MYO6: variants seen among roughly 807,000 people sequenced by gnomAD.
MYO6 encodes the protein unconventional myosin-VI.
In MYO6, 74 loss-of-function variants were observed where a neutral mutation model predicts 178.7. That is an observed-to-expected ratio of 0.41 (90% confidence interval 0.34 to 0.50). The LOEUF is 0.50. MYO6 is among the 20% of genes least tolerant of loss of function. MYO6 has a pLI of 0.09. For synonymous variants in MYO6, 477 were observed against 504.6 expected, an observed-to-expected ratio of 0.95 and a Z score of 0.73; for missense variants, 1,330 against 1,547.4, an observed-to-expected ratio of 0.86 and a Z score of 2.36.
chr6:75,761,768 A>G lies in MYO6; in HGVS notation c.-48+12345A>G, dbSNP rs73458877. 1.2e-3 allele frequency among the ~76,000 whole-genome samples: 176 copies of G among 150,878 alleles called. 1 individual carries two copies. The highest frequency in any genetic ancestry group is 4.0e-3 in the African/African-American group (163 of 40,272). ...CTAGGATTCTGCTATTTGGTATATA[A>G]CACTGATATAGGTTAGTATTTTCAG... On this transcript the variant is annotated intron_variant, in intron 1 of 34. Transcript: ENST00000369977.
At chr6:75,814,835 A>G (rs1771053700) in intron 1 of MYO6, among the ~76,000 whole-genome samples, 3 of 151,298 alleles carry the variant, frequency 2.0e-5, no homozygotes, top group Non-Finnish European at 4.4e-5. Context: ...CCACTGCACT[A>G]TGGCCTGGGT....
chr6:75,764,272 T>C (rs529695253), intron 1 of MYO6, among the ~76,000 whole-genome samples: 1 of 152,276 alleles, frequency 6.6e-6, no homozygotes, highest in African/African-American at 2.4e-5. Flanking sequence ...TTTTTCACTA[T>C]AGCACTCATC....
intron 1 of MYO6, among the ~76,000 whole-genome samples, chr6:75,757,234 T>C (rs977225545): frequency 6.8e-6 from 1 of 148,054 alleles, no homozygotes; most frequent in African/African-American, 2.5e-5. Context: ...TATACATATA[T>C]AGACATACAT....
Position 75,848,498 on chromosome 6 carries a change from A to C in MYO6, c.1045A>C (p.Asn349His). The change falls in exon 11 of 35, where the codon AAT becomes CAT. Residue 349 changes from asparagine (N) to histidine (H), a missense_variant. This residue lies in a region of MYO6 where 613 missense variants were observed against 816.8 expected (regional missense o/e 0.75). Coordinates refer to ENST00000369977, the MANE Select transcript of MYO6 (RefSeq NM_004999.4). The part of the protein sequence containing the change: ...RVVAGVLHLG[N>H]IDFEEAGSTS... Reference sequence around the variant, plus strand: ...AGTAGCTGGCGTCCTGCACCTTGGAAATATTGATTTTGAGGAAGCTGGCAG... The same window carrying C: ...AGTAGCTGGCGTCCTGCACCTTGGACATATTGATTTTGAGGAAGCTGGCAG... The C allele has an allele frequency of 1.2e-6, 2 of 1,613,630 alleles. No individual in the cohort carries two copies. The highest frequency in any genetic ancestry group is 1.7e-6 in the Non-Finnish European group (2 of 1,179,726).
chr6:75,796,170 C>G (rs1040122075), intron 1 of MYO6, among the ~76,000 whole-genome samples: 1 of 152,158 alleles, frequency 6.6e-6, no homozygotes, highest in Non-Finnish European at 1.5e-5. Flanking sequence ...GCCTACCATT[C>G]TGTTCTACCA....
chr6:75,773,174 G>T (rs1274439813), intron 1 of MYO6, among the ~76,000 whole-genome samples: 2 of 152,088 alleles, frequency 1.3e-5, no homozygotes, highest in African/African-American at 4.8e-5. Context: ...TGGTAGGCAG[G>T]CTGTTTACAT....
rs533059027 is a variant in MYO6 at position 75,900,874 on chromosome 6, G to A, written c.3176+2463G>A. 2.4e-3 allele frequency among the ~76,000 whole-genome samples: 365 copies of A among 150,330 alleles called. 4 individuals are homozygous for A. The highest frequency in any genetic ancestry group is 8.0e-3 in the African/African-American group (326 of 40,844). ...GGGTTTTTATGGTTTTAGGTCTAAC[G>A]TTTAAGTCTTTAATCCATCTTGAAT... On this transcript the variant is annotated intron_variant, in intron 30 of 34. Coordinates refer to ENST00000369977, the MANE Select transcript of MYO6 (RefSeq NM_004999.4).
At chr6:75,852,151 T>C (rs1244866317) in intron 11 of MYO6, among the ~76,000 whole-genome samples, 1 of 151,930 alleles carries the variant, frequency 6.6e-6, no homozygotes, top group Non-Finnish European at 1.5e-5. Flanking sequence ...TTTGGAGGTG[T>C]GTAAGAAACT....
chr6:75,813,540 T>G (rs796697060), intron 1 of MYO6, among the ~76,000 whole-genome samples: 19 of 152,316 alleles, frequency 1.2e-4, no homozygotes, highest in African/African-American at 3.8e-4. Context: ...CTGGCTGAGC[T>G]GGTACCCAGG....
rs544337225 is a variant in MYO6 at position 75,905,029 on chromosome 6, A to T, written c.3177-2576A>T. 1.2e-4 allele frequency among the ~76,000 whole-genome samples: 18 copies of T among 152,202 alleles called. 1 individual carries two copies. The highest frequency in any genetic ancestry group is 1.2e-3 in the Admixed American group (18 of 15,286). On this transcript the variant is annotated intron_variant, in intron 30 of 34. Transcript: ENST00000369977. ...CCCCTGCTGGGGGTGCCTCCCAGTT[A>T]GGCTGCTTAGGGGTCAGGGGTCAGG...
chr6:75,914,292 T>A lies in MYO6; in HGVS notation c.3658+11T>A. The A allele has an allele frequency of 6.2e-7, 1 of 1,613,304 alleles. No individual in the cohort carries two copies. Among genetic ancestry groups the A allele is most frequent in the Non-Finnish European group, 8.5e-7 (1 of 1,179,252 alleles). Reference sequence around the variant, plus strand: ...TCCTACTTGTGGCTGGTGTGTATGATTCACATGGAAAACAAATTATAGAAC... The same window carrying A: ...TCCTACTTGTGGCTGGTGTGTATGAATCACATGGAAAACAAATTATAGAAC... On this transcript the variant is annotated intron_variant, in intron 34 of 34. Transcript: ENST00000369977.
intron 29 of MYO6, among the ~76,000 whole-genome samples, chr6:75,897,596 A>T (rs566359791): frequency 1.3e-5 from 2 of 152,278 alleles, no homozygotes; most frequent in South Asian, 4.1e-4. Flanking sequence ...GATTTTACTG[A>T]TTTGGAAGGG....
intron 33 of MYO6, among the ~76,000 whole-genome samples, chr6:75,911,932 T>C (rs1780786102): frequency 6.6e-6 from 1 of 152,058 alleles, no homozygotes; most frequent in Admixed American, 6.5e-5. Flanking sequence ...TTTATCAAAT[T>C]ACTTGCATTA....
chr6:75,798,340 G>C lies in MYO6; in HGVS notation c.-47-19161G>C, dbSNP rs563131147. On this transcript the variant is annotated intron_variant, in intron 1 of 34. Transcript: ENST00000369977. ...GTTCTCTATTCTGTCCCATTGGTCT[G>C]TCTGTTTTTGTACCAATACCATGCT... Among the ~76,000 whole-genome samples, 3 of 152,242 alleles carry C rather than the reference G, an allele frequency of 2.0e-5. No individual in the cohort carries two copies. The East Asian group carries it at 5.8e-4, about 29-fold the overall frequency.
intron 27 of MYO6, 85 bp from the exon 28 acceptor site, chr6:75,892,445 C>T: frequency 3.8e-6 from 6 of 1,574,066 alleles, no homozygotes; most frequent in Non-Finnish European, 5.2e-6. Context: ...GGCAGTTATG[C>T]TTTCCCTTTA....
intron 1 of MYO6, among the ~76,000 whole-genome samples, chr6:75,759,319 T>A (rs1408521511): frequency 6.6e-6 from 1 of 152,236 alleles, no homozygotes; most frequent in African/African-American, 2.4e-5. Context: ...CCCTGGTGGT[T>A]CACATGAAGA....
chr6:75,787,872 A>G (rs1489505716), intron 1 of MYO6, among the ~76,000 whole-genome samples: 1 of 147,062 alleles, frequency 6.8e-6, no homozygotes. Flanking sequence ...TGATCCTCCC[A>G]CTTCAGCTTC....
At chr6:75,900,006 A>T (rs982285075) in intron 30 of MYO6, among the ~76,000 whole-genome samples, 1 of 150,666 alleles carries the variant, frequency 6.6e-6, no homozygotes, top group Admixed American at 6.6e-5. Flanking sequence ...TGTTCTTGCG[A>T]TAGTTTACTG....
chr6:75,794,465 G>C (rs146010994), intron 1 of MYO6, among the ~76,000 whole-genome samples: 1 of 152,126 alleles, frequency 6.6e-6, no homozygotes, highest in Non-Finnish European at 1.5e-5. Flanking sequence ...AACCTAAAAG[G>C]CATAGCAGTT....
Sources: allele counts gnomAD v4.1 joint callset (sites outside exome capture counted in the v4.1 genomes callset), GRCh38; gene constraint gnomAD v4.1.1; regional missense constraint gnomAD v4.1.1; transcripts MANE v1.5; gene names NCBI Gene and HGNC (gene_info 2026-07-23, HGNC 2026-07-21).